The following ARHGAP44 variants were observed in gnomAD, a reference collection of about 807,000 sequenced individuals.
ARHGAP44 encodes the protein Rho GTPase activating protein 44.
A neutral mutation model predicts 106.8 loss-of-function variants in ARHGAP44; 43 were observed. That is an observed-to-expected ratio of 0.40 (90% CI 0.32 to 0.52). The LOEUF (loss-of-function observed/expected upper bound fraction) is 0.52, where lower values mean the gene tolerates loss of function less well. Among genes scored for constraint, ARHGAP44 ranks in the 20% least tolerant of loss-of-function variants. ARHGAP44 has a pLI of 0.48. For missense variants in ARHGAP44, 866 were observed against 1,050.5 expected (o/e 0.82, Z 2.43); for synonymous variants, 439 against 410.3 (o/e 1.07, Z -0.85).
At chr17:12,939,621 A>G (rs1462251346) in intron 7 of ARHGAP44, among the ~76,000 whole-genome samples, 1 of 152,014 alleles carries the variant, frequency 6.6e-6, no homozygotes, top group Non-Finnish European at 1.5e-5. Context: ...GCCCACCACC[A>G]TGCCTGGCTA....
chr17:12,802,273 T>G (rs1158317227), intron 1 of ARHGAP44, among the ~76,000 whole-genome samples: 1 of 152,090 alleles, frequency 6.6e-6, no homozygotes, highest in Non-Finnish European at 1.5e-5. Flanking sequence ...CTAGCTAATT[T>G]TAGCAAAAAA....
chr17:12,842,349 C>T (rs569067967), intron 1 of ARHGAP44, among the ~76,000 whole-genome samples: 3 of 139,630 alleles, frequency 2.1e-5, no homozygotes, highest in African/African-American at 8.2e-5. Flanking sequence ...ACCAGGAGGT[C>T]GAGGCTGTGG....
intron 7 of ARHGAP44, among the ~76,000 whole-genome samples, chr17:12,937,788 T>A (rs2038589867): frequency 6.6e-6 from 1 of 152,158 alleles, no homozygotes; most frequent in African/African-American, 2.4e-5. Context: ...GAGGCTTTTT[T>A]AAACAACAGA....
chr17:12,857,084 A>G (rs144503572), intron 1 of ARHGAP44, among the ~76,000 whole-genome samples: 1,539 of 152,260 alleles, frequency 0.01, 29 homozygotes, highest in African/African-American at 0.034. Context: ...ACATGTTGCT[A>G]ATTAGTGCAA....
chr17:12,882,702 T>G (rs2036775551), intron 1 of ARHGAP44, among the ~76,000 whole-genome samples: 1 of 152,152 alleles, frequency 6.6e-6, no homozygotes, highest in African/African-American at 2.4e-5. Flanking sequence ...AGTCTTATTT[T>G]GCCCTTTAAT....
At chr17:12,813,234 A>G (rs2150782772) in intron 1 of ARHGAP44, among the ~76,000 whole-genome samples, 1 of 152,060 alleles carries the variant, frequency 6.6e-6, no homozygotes, top group Middle Eastern at 3.4e-3. Flanking sequence ...CAACAGTCTG[A>G]CCCTATCAGT....
chr17:12,937,721 A>T (rs921348643), intron 7 of ARHGAP44, among the ~76,000 whole-genome samples: 1 of 152,030 alleles, frequency 6.6e-6, no homozygotes, highest in African/African-American at 2.4e-5. Flanking sequence ...ATAAAAATCA[A>T]GGTGTGATTT....
intron 6 of ARHGAP44, among the ~76,000 whole-genome samples, chr17:12,926,757 C>G (rs1229735490): frequency 1.3e-5 from 2 of 151,654 alleles, no homozygotes; most frequent in African/African-American, 2.4e-5. Flanking sequence ...TCCTGAGTTA[C>G]AAAGCCATAA....
intron 8 of ARHGAP44, among the ~76,000 whole-genome samples, chr17:12,941,851 TAA>T (rs150324087): frequency 6.6e-6 from 1 of 150,822 alleles, no homozygotes; most frequent in Non-Finnish European, 1.5e-5. Flanking sequence ...AAAGTTCAAA[TAA>T]AAAAAAATCA....
intron 1 of ARHGAP44, among the ~76,000 whole-genome samples, chr17:12,857,765 GTTATTTATTTATTTATTTATTTA>G (rs2035953689): frequency 6.9e-6 from 1 of 145,544 alleles, no homozygotes; most frequent in Non-Finnish European, 1.5e-5. Flanking sequence ...GGTTGCCCAT[GTTATTTATTTATTTATTTATTTA>G]TTTATTTATT....
At chr17:12,984,383 CG>C in intron 19 of ARHGAP44, 147 bp from the exon 20 acceptor site, 5 of 681,728 alleles carry the variant, frequency 7.3e-6, no homozygotes, top group Non-Finnish European at 1.0e-5. Flanking sequence ...GGCAAGAGGC[CG>C]GGGGGCAGGG....
chr17:12,804,808 T>G (rs1323095663), intron 1 of ARHGAP44, among the ~76,000 whole-genome samples: 1 of 152,226 alleles, frequency 6.6e-6, no homozygotes, highest in Non-Finnish European at 1.5e-5. Flanking sequence ...TGCACACATC[T>G]GTCTCTGGTA....
In ARHGAP44 at chr17:12,789,588, C is replaced by T. The variant is rs996590002; in HGVS notation, c.-251C>T. The T allele has an allele frequency of 3.6e-6, 1 of 276,096 alleles. No homozygotes were observed. The highest frequency in any genetic ancestry group is 6.8e-6 in the Non-Finnish European group (1 of 148,044). The allele number at this position is 276,096 out of a possible 1,614,324, so 17.1% of individuals were successfully genotyped here. A position where few individuals can be genotyped will look rare whatever the true frequency, so the allele number is the denominator to read the frequency against. On this transcript the variant is annotated 5_prime_UTR_variant, in exon 1 of 21. Coordinates refer to ENST00000379672, the MANE Select transcript of ARHGAP44 (RefSeq NM_014859.6). ...GAGCGGGCCGGTGCCGAGGACGGCC[C>T]CAGGCATTGCTCTGCCCCGGGCATT...
intron 1 of ARHGAP44, among the ~76,000 whole-genome samples, chr17:12,842,782 A>G (rs753396851): frequency 6.6e-6 from 1 of 152,232 alleles, no homozygotes; most frequent in South Asian, 2.1e-4. Flanking sequence ...AATTGTCCCA[A>G]GAGTAGCAGG....
chr17:12,918,377 C>G (rs1157655990), intron 5 of ARHGAP44, among the ~76,000 whole-genome samples: 1 of 152,180 alleles, frequency 6.6e-6, no homozygotes, highest in South Asian at 2.1e-4. Context: ...TATATAAAAA[C>G]CGCAGCCCGA....
At chr17:12,987,410 CT>C (rs1394388561) in intron 20 of ARHGAP44, 2 of 415,698 alleles carry the variant, frequency 4.8e-6, no homozygotes, top group Non-Finnish European at 8.7e-6. Context: ...CCCACCTTCT[CT>C]TTCACTGGAA....
At chr17:12,791,882 C>T (rs1423492519) in intron 1 of ARHGAP44, among the ~76,000 whole-genome samples, 2 of 152,146 alleles carry the variant, frequency 1.3e-5, no homozygotes, top group Non-Finnish European at 2.9e-5. Context: ...TGAGGGCCAG[C>T]CTGTATCGCT....
At chr17:12,936,777 C>T (rs1042931454) in intron 7 of ARHGAP44, among the ~76,000 whole-genome samples, 5 of 152,214 alleles carry the variant, frequency 3.3e-5, no homozygotes, top group African/African-American at 9.6e-5. Flanking sequence ...ATACTGTCTT[C>T]CAAAGTGACT....
chr17:12,885,416 T>G, intron 1 of ARHGAP44, among the ~76,000 whole-genome samples: 1 of 151,766 alleles, frequency 6.6e-6, no homozygotes, highest in Admixed American at 6.6e-5. Flanking sequence ...ATGTTCAAGT[T>G]TATGACAAAC....
Sources: gnomAD v4.1 joint callset for allele counts (sites outside exome capture counted in the v4.1 genomes callset) on GRCh38, gnomAD v4.1.1 for gene constraint, MANE v1.5 for transcripts, NCBI Gene and HGNC (gene_info 2026-07-23, HGNC 2026-07-21) for gene names.